Variants in VCAN observed in about 807,000 individuals in gnomAD.
VCAN encodes the protein versican core protein.
VCAN carries 44 observed loss-of-function variants against 245.5 expected under a neutral mutation model. The observed-to-expected ratio is 0.18, with a 90% CI of 0.14 to 0.23. The LOEUF (loss-of-function observed/expected upper bound fraction) is 0.23. Among genes scored for constraint, VCAN ranks in the 10% least tolerant of loss-of-function variants. The pLI is 1.00. For missense variants in VCAN, 3,793 were observed against 4,057.9 expected, an observed-to-expected ratio of 0.93 and a Z score of 1.77; for synonymous variants, 1,413 against 1,437.0, an observed-to-expected ratio of 0.98 and a Z score of 0.38.
chr5:83,567,458 G>A (rs1330142487), intron 12 of VCAN, among the ~76,000 whole-genome samples: 1 of 142,508 alleles, frequency 7.0e-6, no homozygotes, highest in Non-Finnish European at 1.5e-5. Flanking sequence ...CTGCCACTAC[G>A]TCCGGCTAAT....
Position 83,541,115 on chromosome 5 carries a change from A to T in VCAN, c.8112A>T (p.Pro2704=), listed in dbSNP as rs989722091. ...CTCGTAAGTCTGCCACAGTTATTCC[A>T]GAGATTGAAGGAATAAAAGCTGAAG... ...PIPRKSATVI[P]EIEGIKAEAK... is the part of the protein sequence containing the mutation. Residue 2704 remains proline (P), a synonymous_variant, in exon 8 of 15, where the codon CCA becomes CCT. Transcript: ENST00000265077. 1 of 1,614,134 alleles carries T rather than the reference A, an allele frequency of 6.2e-7. No individual in the cohort carries two copies. Among genetic ancestry groups the T allele is most frequent in the Non-Finnish European group, 8.5e-7 (1 of 1,179,994 alleles).
intron 6 of VCAN, among the ~76,000 whole-genome samples, chr5:83,513,626 T>C (rs1287974260): frequency 1.3e-5 from 2 of 152,226 alleles, no homozygotes; most frequent in East Asian, 1.9e-4. Flanking sequence ...CCATAAAGAC[T>C]GTAGAAAATG....
chr5:83,552,786 A>T (rs1302031420), intron 10 of VCAN, among the ~76,000 whole-genome samples: 3 of 152,098 alleles, frequency 2.0e-5, no homozygotes, highest in African/African-American at 4.8e-5. Flanking sequence ...CCTTCTTTTT[A>T]GGAAGAAGGC....
chr5:83,569,349 G>A (rs577393449), intron 12 of VCAN, among the ~76,000 whole-genome samples: 35 of 152,216 alleles, frequency 2.3e-4, no homozygotes, highest in African/African-American at 7.7e-4. Context: ...TCTTTGATTA[G>A]GTATTGGTGT....
In VCAN at chr5:83,541,442, A is replaced by C; in HGVS notation, c.8439A>C (p.Ala2813=). 1 of 1,614,102 alleles carries C rather than the reference A, an allele frequency of 6.2e-7. No homozygotes were observed. The highest frequency in any genetic ancestry group is 8.5e-7 in the Non-Finnish European group (1 of 1,179,990). Residue 2813 remains alanine, a synonymous_variant, in exon 8 of 15, where the codon GCA becomes GCC. Transcript: ENST00000265077. ...CATATTACACTGATACAACATTAGC[A>C]GTTTCAACATTTGCGAAGTTGTCTT... ...NPPYYTDTTL[A]VSTFAKLSSQ... is the part of the protein sequence containing the mutation.
chr5:83,539,991 A>G lies in VCAN; in HGVS notation c.6988A>G (p.Thr2330Ala). 1.9e-6 allele frequency: 3 copies of G among 1,614,114 alleles called. No homozygotes were observed. Among genetic ancestry groups the G allele is most frequent in the Non-Finnish European group, 1.7e-6 (2 of 1,179,988 alleles). The change falls in exon 8 of 15, where the codon ACA (threonine) becomes GCA (alanine). Residue 2330 changes from threonine to alanine, a missense_variant. Thr to Ala is a moderately conservative substitution (Grantham distance 58). Around this residue, in one of 5 missense-constraint regions of VCAN, gnomAD observed 3,182 missense variants for 3,250.3 expected, o/e 0.98. Coordinates refer to ENST00000265077, the MANE Select transcript of VCAN (RefSeq NM_004385.5). ...IFEGSGSVTS[T>A]TLIEILSDTG... ...TGAAGGTAGTGGGTCAGTAACCAGC[A>G]CAACATTAATAGAAATTTTAAGTGA...
intron 7 of VCAN, among the ~76,000 whole-genome samples, chr5:83,524,718 A>G (rs898727619): frequency 3.3e-5 from 5 of 152,098 alleles, no homozygotes; most frequent in African/African-American, 1.2e-4. Context: ...TTTATTTTCT[A>G]TGAGAAATTT....
At chr5:83,500,859 C>G (rs1745309737) in intron 5 of VCAN, among the ~76,000 whole-genome samples, 1 of 152,118 alleles carries the variant, frequency 6.6e-6, no homozygotes, top group Admixed American at 6.6e-5. Flanking sequence ...CAAATGGTAA[C>G]TACTTTGAAC....
chr5:83,576,966 C>G (rs1283715620), intron 13 of VCAN, among the ~76,000 whole-genome samples: 2 of 152,064 alleles, frequency 1.3e-5, no homozygotes, highest in Non-Finnish European at 2.9e-5. Flanking sequence ...ATTCTGGTTA[C>G]TAATCCCTTG....
At chr5:83,548,816 C>T (rs1747340839) in intron 10 of VCAN, among the ~76,000 whole-genome samples, 1 of 152,160 alleles carries the variant, frequency 6.6e-6, no homozygotes, top group South Asian at 2.1e-4. Flanking sequence ...TGTTCAGTGC[C>T]AAACTTCCAT....
chr5:83,501,355 A>G (rs1308604952), intron 5 of VCAN, among the ~76,000 whole-genome samples: 38 of 152,206 alleles, frequency 2.5e-4, no homozygotes, highest in Admixed American at 2.5e-3. Flanking sequence ...TTTTGGTGTC[A>G]TATCTAAGAA....
intron 2 of VCAN, among the ~76,000 whole-genome samples, chr5:83,487,453 T>C (rs1744831721): frequency 6.6e-6 from 1 of 152,226 alleles, no homozygotes; most frequent in African/African-American, 2.4e-5. Flanking sequence ...TTGTCAGCAT[T>C]TCAGACAAAT....
In VCAN at chr5:83,521,027, A is replaced by G; in HGVS notation, c.2721A>G (p.Pro907=). ...LRDSTTEEKV[P]PITSTEGQVY... is the part of the protein sequence containing the mutation. ...ATTCTACAACTGAAGAAAAAGTTCCACCTATCACAAGCACTGAAGGCCAAG... is the reference window on the plus strand; with the variant it reads ...ATTCTACAACTGAAGAAAAAGTTCCGCCTATCACAAGCACTGAAGGCCAAG... Residue 907 remains proline (P), a synonymous_variant, in exon 7 of 15, where the codon CCA becomes CCG. Coordinates refer to ENST00000265077, the MANE Select transcript of VCAN (RefSeq NM_004385.5). 1 of 1,613,768 alleles carries G rather than the reference A, an allele frequency of 6.2e-7. No individual in the cohort carries two copies. The highest frequency in any genetic ancestry group is 1.1e-5 in the South Asian group (1 of 90,982).
At chr5:83,516,507 T>G (rs566522183) in intron 6 of VCAN, among the ~76,000 whole-genome samples, 1 of 152,340 alleles carries the variant, frequency 6.6e-6, no homozygotes, top group Non-Finnish European at 1.5e-5. Context: ...ATCTGTCTCA[T>G]GTCTCGCAAC....
At chr5:83,476,965 C>T (rs1263210948) in intron 1 of VCAN, among the ~76,000 whole-genome samples, 1 of 152,024 alleles carries the variant, frequency 6.6e-6, no homozygotes, top group East Asian at 1.9e-4. Context: ...TTACAATAAA[C>T]ATATTTGATA....
intron 2 of VCAN, among the ~76,000 whole-genome samples, chr5:83,486,965 C>T (rs1329295915): frequency 6.6e-6 from 1 of 152,180 alleles, no homozygotes; most frequent in Admixed American, 6.5e-5. Flanking sequence ...TTCCCAGTCA[C>T]TGATGAGGTC....
At position 83,555,156 on chromosome 5, in the gene VCAN, G is replaced by A; in HGVS notation, c.9735+118G>A. 12 of 1,005,360 alleles carry A rather than the reference G, an allele frequency of 1.2e-5. No individual in the cohort carries two copies. The South Asian group carries it at 1.6e-4, about 13-fold the overall frequency. The allele number at this position is 1,005,360 out of a possible 1,614,324, so 62.3% of individuals were successfully genotyped here. ...AGGCAAGTTAAATGACTTGCTCAAG[G>A]TCACTCAGTGAAACAGAGAAGGGTT... is the stretch of plus-strand genomic sequence containing the variant. On this transcript the variant is annotated intron_variant, in intron 12 of 14. Coordinates refer to ENST00000265077, the MANE Select transcript of VCAN (RefSeq NM_004385.5).
chr5:83,521,297 A>C lies in VCAN; in HGVS notation c.2991A>C (p.Leu997=). Residue 997 remains leucine, a synonymous_variant, in exon 7 of 15, where the codon CTA becomes CTC. Coordinates refer to ENST00000265077, the MANE Select transcript of VCAN (RefSeq NM_004385.5). The stretch of plus-strand genomic sequence containing the variant: ...CTGTTCCATCAGAAGATGAAGTTCT[A>C]GGTGAACCCTCTCAAGACATACTTG... ...VPSVPSEDEV[L]GEPSQDILVI... The C allele has an allele frequency of 6.2e-7, 1 of 1,614,112 alleles. No homozygotes were observed. The highest frequency in any genetic ancestry group is 8.5e-7 in the Non-Finnish European group (1 of 1,179,940).
rs1462992340 is a variant in VCAN, at chr5:83,520,560, T to C, written c.2254T>C (p.Leu752=). ...GACCAAGTCTTTTGATTTCCCAACATTGATAACAAAGTTAAGTGCAGAGCC... is the reference window on the plus strand; with the variant it reads ...GACCAAGTCTTTTGATTTCCCAACACTGATAACAAAGTTAAGTGCAGAGCC... ...EMTKSFDFPT[L]ITKLSAEPTE... The change falls in exon 7 of 15, where the codon TTG becomes CTG. Residue 752 remains leucine (L), a synonymous_variant. Coordinates refer to ENST00000265077, the MANE Select transcript of VCAN (RefSeq NM_004385.5). The C allele has an allele frequency of 3.7e-6, 6 of 1,613,898 alleles. No homozygotes were observed. Among genetic ancestry groups the C allele is most frequent in the South Asian group, 1.1e-5 (1 of 91,090 alleles).
Sources: allele counts gnomAD v4.1 joint callset (sites outside exome capture counted in the v4.1 genomes callset), GRCh38; gene constraint gnomAD v4.1.1; regional missense constraint gnomAD v4.1.1; transcripts MANE v1.5; gene names NCBI Gene and HGNC (gene_info 2026-07-23, HGNC 2026-07-21).